Variants in CERT1 observed in about 807,000 individuals in gnomAD.
The protein encoded by CERT1 is ceramide transporter 1, also known as ceramide transfer protein.
Under a neutral mutation model 87.9 loss-of-function variants are expected in CERT1, and 31 were observed. The observed-to-expected ratio is 0.35, with a 90% CI of 0.27 to 0.48. The LOEUF (loss-of-function observed/expected upper bound fraction) is 0.48, where lower values mean the gene tolerates loss of function less well. Ranked by LOEUF, CERT1 falls within the 20% of genes least tolerant of loss-of-function variation. The pLI, the probability that CERT1 is intolerant of heterozygous loss-of-function variation, is 0.99. For missense variants in CERT1, 487 were observed against 758.0 expected, an observed-to-expected ratio of 0.64 and a Z score of 4.20; for synonymous variants, 289 against 250.9, an observed-to-expected ratio of 1.15 and a Z score of -1.44.
Position 75,472,711 on chromosome 5 carries a change from T to G in CERT1, c.232-13530A>C, listed in dbSNP as rs549355859. ...AGGCAAATACAAATGAAAACCATAATGAGATATTATCTCCTGTTGAAATGG... is the reference window on the plus strand; with the variant it reads ...AGGCAAATACAAATGAAAACCATAAGGAGATATTATCTCCTGTTGAAATGG... On this transcript the variant is annotated intron_variant, in intron 2 of 16. Coordinates refer to ENST00000643780, the MANE Select transcript of CERT1 (RefSeq NM_001379029.1). 7.2e-5 allele frequency among the ~76,000 whole-genome samples: 11 copies of G among 152,248 alleles called. 1 individual carries two copies. The South Asian group carries it at 2.3e-3, about 32-fold the overall frequency.
At chr5:75,399,268 G>A in intron 11 of CERT1, 42 bp downstream of exon 11, 7 of 1,415,432 alleles carry the variant, frequency 4.9e-6, no homozygotes, top group Non-Finnish European at 7.0e-6. Flanking sequence ...CTGAAATATA[G>A]CACAGAAAGA....
intron 3 of CERT1, among the ~76,000 whole-genome samples, chr5:75,433,803 T>C (rs1359301758): frequency 6.6e-6 from 1 of 152,212 alleles, no homozygotes; most frequent in African/African-American, 2.4e-5. Flanking sequence ...ATTACAGGCA[T>C]GAGCCATGGT....
chr5:75,404,636 C>T (rs1157330149), intron 8 of CERT1, among the ~76,000 whole-genome samples: 1 of 152,124 alleles, frequency 6.6e-6, no homozygotes, highest in East Asian at 1.9e-4. Flanking sequence ...ATTCAATCTA[C>T]AGTGATTTAG....
rs1762637562 is a variant in CERT1 at position 75,404,756 on chromosome 5, CCCAGCACTCTGGGAGA to C, written c.931-1714_931-1699del. Among the ~76,000 whole-genome samples, 4 of 152,244 alleles carry C rather than the reference CCCAGCACTCTGGGAGA, an allele frequency of 2.6e-5. No individual in the cohort carries two copies. In the South Asian group the frequency reaches 8.3e-4, roughly 32 times the overall value. ...AAGTATGGTGGCTCATGCCTATAAACCCAGCACTCTGGGAGACCAAGGAGGGGAGATCACATGAGGC... is the reference window on the plus strand; with the variant it reads ...AAGTATGGTGGCTCATGCCTATAAACCCAAGGAGGGGAGATCACATGAGGC... On this transcript the variant is annotated intron_variant, in intron 8 of 16. Transcript: ENST00000643780.
At chr5:75,387,286 C>T (rs1203381681) in intron 12 of CERT1, among the ~76,000 whole-genome samples, 1 of 152,200 alleles carries the variant, frequency 6.6e-6, no homozygotes, top group Non-Finnish European at 1.5e-5. Flanking sequence ...AGGGAGGCCT[C>T]TAGCTCACAT....
chr5:75,450,843 TC>T (rs1192242988), intron 3 of CERT1, among the ~76,000 whole-genome samples: 1 of 152,176 alleles, frequency 6.6e-6, no homozygotes, highest in South Asian at 2.1e-4. Context: ...AATGTATGCC[TC>T]ACATGTATTG....
chr5:75,426,336 T>C, intron 4 of CERT1, 35 bp downstream of exon 4: 1 of 1,422,846 alleles, frequency 7.0e-7, no homozygotes, highest in Non-Finnish European at 9.9e-7. Context: ...ACTCAATTTA[T>C]GTTGTTTAAC....
intron 3 of CERT1, among the ~76,000 whole-genome samples, chr5:75,455,257 C>A (rs1382500487): frequency 6.6e-6 from 1 of 152,154 alleles, no homozygotes; most frequent in African/African-American, 2.4e-5. Context: ...GCCATATTCA[C>A]CTGACCTCTT....
chr5:75,462,916 C>A (rs984442665), intron 2 of CERT1, among the ~76,000 whole-genome samples: 1 of 144,110 alleles, frequency 6.9e-6, no homozygotes, highest in South Asian at 2.2e-4. Flanking sequence ...CACTTGAACC[C>A]GGGAGGTAGA....
At chr5:75,435,989 A>G (rs909720053) in intron 3 of CERT1, among the ~76,000 whole-genome samples, 4 of 152,162 alleles carry the variant, frequency 2.6e-5, no homozygotes, top group Non-Finnish European at 5.9e-5. Flanking sequence ...GGGTCTGTGC[A>G]TGCATGCATG....
At chr5:75,429,768 G>T (rs1763789418) in intron 3 of CERT1, among the ~76,000 whole-genome samples, 1 of 149,810 alleles carries the variant, frequency 6.7e-6, no homozygotes, top group Non-Finnish European at 1.5e-5. Context: ...TCACCATAAA[G>T]TTTGGTTCCT....
chr5:75,377,502 A>G (rs2111973173), downstream of CERT1: 1 of 152,362 alleles, frequency 6.6e-6, no homozygotes, highest in East Asian at 1.9e-4. Flanking sequence ...TAAATAAATT[A>G]TGTACATCTA....
At chr5:75,385,876 A>G (rs1246815662) in intron 13 of CERT1, 26 bp downstream of exon 13, 1 of 1,404,572 alleles carries the variant, frequency 7.1e-7, no homozygotes, top group South Asian at 1.8e-5. Context: ...ATAATAGATT[A>G]AAATATATTA....
rs191711259 is a variant in CERT1, at chr5:75,482,885, T to C, written c.231+23097A>G. ...GACTGATCACAACAGTCAGTTCCCA[T>C]TGAACACTTGGAAAACCTTCCTAAG... is the stretch of plus-strand genomic sequence containing the variant. On this transcript the variant is annotated intron_variant, in intron 2 of 16. Transcript: ENST00000643780. Among the ~76,000 whole-genome samples the C allele has an allele frequency of 9.2e-5, 14 of 152,232 alleles. No homozygotes were observed. In the East Asian group the frequency reaches 1.2e-3, roughly 13 times the overall value.
chr5:75,496,535 C>G (rs1021235774), intron 2 of CERT1, among the ~76,000 whole-genome samples: 1 of 152,142 alleles, frequency 6.6e-6, no homozygotes. Context: ...TTTAGAGCAG[C>G]CTTATTTATT....
At chr5:75,423,832 T>G (rs1055553842) in intron 5 of CERT1, among the ~76,000 whole-genome samples, 5 of 151,940 alleles carry the variant, frequency 3.3e-5, no homozygotes, top group African/African-American at 1.2e-4. Context: ...GAGTTATACC[T>G]AAGAAGCTAA....
At chr5:75,384,506 T>C in intron 14 of CERT1, 136 bp downstream of exon 14, 1 of 604,282 alleles carries the variant, frequency 1.7e-6, no homozygotes, top group South Asian at 2.1e-5. Flanking sequence ...ATACATGACA[T>C]TCATGAATCA....
At chr5:75,453,179 T>C (rs1764831204) in intron 3 of CERT1, among the ~76,000 whole-genome samples, 1 of 152,170 alleles carries the variant, frequency 6.6e-6, no homozygotes. Context: ...ACAGTAAAGC[T>C]AGACAGAAAG....
intron 8 of CERT1, among the ~76,000 whole-genome samples, chr5:75,406,080 C>G (rs1343582912): frequency 6.6e-6 from 1 of 152,220 alleles, no homozygotes; most frequent in Non-Finnish European, 1.5e-5. Flanking sequence ...GGGAGAATGA[C>G]TTTTCTGAAC....
Sources: gnomAD v4.1 joint callset for allele counts (sites outside exome capture counted in the v4.1 genomes callset) on GRCh38, gnomAD v4.1.1 for gene constraint, MANE v1.5 for transcripts, NCBI Gene and HGNC (gene_info 2026-07-23, HGNC 2026-07-21) for gene names.